The following OLFM4 variants were observed in gnomAD, a reference collection of about 807,000 sequenced individuals.
OLFM4 encodes olfactomedin-4.
Under a neutral mutation model 25.5 loss-of-function variants are expected in OLFM4, and 22 were observed. The observed-to-expected ratio is 0.86, with a 90% confidence interval of 0.62 to 1.23. The LOEUF (loss-of-function observed/expected upper bound fraction) is 1.23, where lower values mean the gene tolerates loss of function less well. OLFM4 is among the 50% of genes most tolerant of loss of function. OLFM4 has a pLI of 0.00. For synonymous variants in OLFM4, 255 were observed against 237.7 expected (o/e 1.07, Z -0.67); for missense variants, 594 against 619.4 (o/e 0.96, Z 0.44).
chr13:53,034,532 T>C, intron 2 of OLFM4, 32 bp downstream of exon 2: 2 of 1,566,502 alleles, frequency 1.3e-6, no homozygotes, highest in South Asian at 1.2e-5. Flanking sequence ...AATATCTTGA[T>C]AAAGAGAAAC....
intron 4 of OLFM4, among the ~76,000 whole-genome samples, chr13:53,044,527 C>T (rs1214209890): frequency 6.6e-6 from 1 of 152,054 alleles, no homozygotes; most frequent in Non-Finnish European, 1.5e-5. Context: ...TAGATATAAG[C>T]CTCTTGGTCT....
intron 4 of OLFM4, 78 bp downstream of exon 4, chr13:53,043,342 A>C: frequency 1.3e-6 from 1 of 797,340 alleles, no homozygotes; most frequent in South Asian, 3.3e-5. Flanking sequence ...GGGATTGGGG[A>C]TTGCAATGGT....
chr13:53,041,358 C>A (rs944962876), intron 2 of OLFM4, among the ~76,000 whole-genome samples: 21 of 152,122 alleles, frequency 1.4e-4, no homozygotes, highest in African/African-American at 5.1e-4. Flanking sequence ...TTCTCCGAAG[C>A]AAATTAACAC....
At chr13:53,036,677 T>C (rs1954660382) in intron 2 of OLFM4, among the ~76,000 whole-genome samples, 1 of 152,224 alleles carries the variant, frequency 6.6e-6, no homozygotes, top group African/African-American at 2.4e-5. Flanking sequence ...CTAGGATTTA[T>C]ATAATCGATT....
chr13:53,044,433 C>A (rs893342339), intron 4 of OLFM4, among the ~76,000 whole-genome samples: 5 of 152,148 alleles, frequency 3.3e-5, no homozygotes. Flanking sequence ...AATCCTCACA[C>A]CTGCTTTCTT....
chr13:53,048,292 T>G (rs1281388967), intron 4 of OLFM4, among the ~76,000 whole-genome samples: 3 of 152,218 alleles, frequency 2.0e-5, no homozygotes, highest in South Asian at 2.1e-4. Context: ...AAATGGCACA[T>G]GCATTATTAA....
At position 53,050,775 on chromosome 13, in the gene OLFM4, G is replaced by A. The variant is rs765932266; in HGVS notation, c.*4G>A. On this transcript the variant is annotated 3_prime_UTR_variant, in exon 5 of 5. Transcript: ENST00000219022. ...TGTCTTGCAGAAGCCCCAGTAAGCTGTTTAGGAGTTAGGGTGAAAGAGAAA... is the reference window on the plus strand; with the variant it reads ...TGTCTTGCAGAAGCCCCAGTAAGCTATTTAGGAGTTAGGGTGAAAGAGAAA... The A allele has an allele frequency of 6.4e-7, 1 of 1,568,274 alleles. No individual in the cohort carries two copies. The highest frequency in any genetic ancestry group is 1.4e-5 in the African/African-American group (1 of 72,882).
In OLFM4 at chr13:53,029,096, G is replaced by C. The variant is rs528402522; in HGVS notation, c.204+56G>C. On this transcript the variant is annotated intron_variant, in intron 1 of 4. Transcript: ENST00000219022. ...CATTCATTCCCTTCCATTTGCTTTT[G>C]GGTACCTGAATACAATTTCATGGAT... is the stretch of plus-strand genomic sequence containing the variant. 27 of 1,602,638 alleles carry C rather than the reference G, an allele frequency of 1.7e-5. No homozygotes were observed. In the African/African-American group the frequency reaches 2.1e-4, roughly 13 times the overall value.
rs1566321301 is a variant in OLFM4, at chr13:53,050,202, CG to C, written c.966del (p.Ile323SerfsTer31). On this transcript the variant is annotated frameshift_variant, in exon 5 of 5. Coordinates refer to ENST00000219022, the MANE Select transcript of OLFM4 (RefSeq NM_006418.5). LOFTEE classifies it low-confidence loss of function (END_TRUNC). ...LLLYINAREL[R>X]ITYGQGSGTA... is the part of the protein sequence containing the mutation. ...ATTGTATATAAATGCTCGAGAGTTGCGGATCACCTATGGCCAAGGTAGTGGT... is the reference window on the plus strand; with the variant it reads ...ATTGTATATAAATGCTCGAGAGTTGCGATCACCTATGGCCAAGGTAGTGGT... 1 of 1,613,934 alleles carries C rather than the reference CG, an allele frequency of 6.2e-7. No homozygotes were observed. Among genetic ancestry groups the C allele is most frequent in the Admixed American group, 1.7e-5 (1 of 59,984 alleles).
chr13:53,050,104 G>T lies in OLFM4; in HGVS notation c.866G>T (p.Trp289Leu). The T allele has an allele frequency of 6.2e-7, 1 of 1,613,896 alleles. No homozygotes were observed. Among genetic ancestry groups the T allele is most frequent in the African/African-American group, 1.3e-5 (1 of 74,958 alleles). ...CAGCATCCAAACAAAGGACTGTATT[G>T]GGTGGCGCCATTGAATACAGATGGG... The part of the protein sequence containing the change: ...SPQHPNKGLY[W>L]VAPLNTDGRL... The change falls in exon 5 of 5, where the codon TGG becomes TTG. Residue 289 changes from tryptophan (W) to leucine (L), a missense_variant. Physicochemically the swap from Trp to Leu is moderately conservative, Grantham distance 61. Transcript: ENST00000219022.
At chr13:53,047,318 T>C (rs1158888795) in intron 4 of OLFM4, among the ~76,000 whole-genome samples, 1 of 152,150 alleles carries the variant, frequency 6.6e-6, no homozygotes, top group African/African-American at 2.4e-5. Context: ...GGATGGGGAC[T>C]CTGAGGAACA....
At chr13:53,036,865 A>C (rs562326074) in intron 2 of OLFM4, among the ~76,000 whole-genome samples, 7 of 152,220 alleles carry the variant, frequency 4.6e-5, no homozygotes, top group Admixed American at 6.5e-5. Flanking sequence ...GACTTGCCCA[A>C]GGTCATTCCT....
chr13:53,047,443 T>C (rs1434865076), intron 4 of OLFM4, among the ~76,000 whole-genome samples: 1 of 152,222 alleles, frequency 6.6e-6, no homozygotes, highest in East Asian at 1.9e-4. Context: ...TGGCCACATT[T>C]GTAGCATTGG....
chr13:53,043,168 A>G lies in OLFM4; in HGVS notation c.634A>G (p.Ile212Val). Residue 212 changes from isoleucine (I) to valine (V), a missense_variant, in exon 4 of 5, where the codon ATT becomes GTT. Physicochemically the swap from Ile to Val is conservative, Grantham distance 29 (BLOSUM62 3). Transcript: ENST00000219022. ...ETLDKNNVLA[I>V]RREIVALKTK... ...ACTAGACAAAAACAATGTCCTTGCC[A>G]TTCGCCGAGAAATCGTGGCTCTGAA... The G allele has an allele frequency of 6.2e-7, 1 of 1,613,524 alleles. No individual in the cohort carries two copies. Among genetic ancestry groups the G allele is most frequent in the East Asian group, 2.2e-5 (1 of 44,860 alleles).
chr13:53,034,271 G>A, intron 1 of OLFM4, 77 bp from the exon 2 acceptor site: 2 of 1,490,642 alleles, frequency 1.3e-6, no homozygotes, highest in Non-Finnish European at 1.8e-6. Flanking sequence ...CTCTCGACAA[G>A]CCAATTTCTG....
chr13:53,035,378 A>T (rs1472775627), intron 2 of OLFM4, among the ~76,000 whole-genome samples: 1 of 152,054 alleles, frequency 6.6e-6, no homozygotes, highest in Non-Finnish European at 1.5e-5. Flanking sequence ...ATACCCTGAG[A>T]CAGGCATGCA....
chr13:53,034,247 C>G lies in OLFM4; in HGVS notation c.205-101C>G, dbSNP rs192787173. ...TCATTTATGTATTGGACTCCACTTA[C>G]TTGCCTGTAAGTACTCTCGACAAGC... On this transcript the variant is annotated intron_variant, in intron 1 of 4. Coordinates refer to ENST00000219022, the MANE Select transcript of OLFM4 (RefSeq NM_006418.5). 578 of 1,115,620 alleles carry G rather than the reference C, an allele frequency of 5.2e-4. 1 individual carries two copies. In the African/African-American group the frequency reaches 8.3e-3, roughly 16 times the overall value. 69.1% of individuals were successfully genotyped at this position (1,115,620 alleles called of 1,614,324 possible).
intron 2 of OLFM4, among the ~76,000 whole-genome samples, chr13:53,035,846 T>C (rs1230782229): frequency 2.6e-5 from 4 of 152,358 alleles, no homozygotes; most frequent in African/African-American, 9.6e-5. Context: ...GCAATGTGAC[T>C]TGGTGTTCTA....
intron 2 of OLFM4, among the ~76,000 whole-genome samples, chr13:53,035,317 C>CT (rs1246161901): frequency 6.9e-6 from 1 of 144,762 alleles, no homozygotes; most frequent in African/African-American, 2.7e-5. Context: ...TATTTTTAAT[C>CT]TTATTTTTTT....
Sources: gnomAD v4.1 joint callset for allele counts (sites outside exome capture counted in the v4.1 genomes callset) on GRCh38, gnomAD v4.1.1 for gene constraint, MANE v1.5 for transcripts, NCBI Gene and HGNC (gene_info 2026-07-23, HGNC 2026-07-21) for gene names.